Variants in LARP4B observed in about 807,000 individuals in gnomAD.
The protein encoded by LARP4B is la-related protein 4B.
Under a neutral mutation model 89.8 loss-of-function variants are expected in LARP4B, and 12 were observed. That is an observed-to-expected ratio of 0.13 (90% CI 0.09 to 0.22). The LOEUF is 0.22. Ranked by LOEUF, LARP4B falls within the 10% of genes least tolerant of loss-of-function variation. The probability of loss-of-function intolerance (pLI) is 1.00; values close to 1 mark genes in which losing one functional copy is unlikely to be tolerated. For missense variants in LARP4B, 757 were observed against 947.7 expected, an observed-to-expected ratio of 0.80 and a Z score of 2.64; for synonymous variants, 367 against 363.3, an observed-to-expected ratio of 1.01 and a Z score of -0.12.
chr10:817,618 CTT>C lies in LARP4B; in HGVS notation c.1695+105_1695+106del, dbSNP rs147888693. 4.1e-3 allele frequency: 4,638 copies of C among 1,141,950 alleles called. 136 individuals carry two copies. In the African/African-American group the frequency reaches 0.064, roughly 16 times the overall value. The allele number at this position is 1,141,950 out of a possible 1,614,324, so 70.7% of individuals were successfully genotyped here. ...GCAATCACGTGGCCTCCAAGCCTCT[CTT>C]GAGTATTAAAAACAAACATGTATAA... On this transcript the variant is annotated intron_variant, in intron 15 of 17. Coordinates refer to ENST00000316157, the MANE Select transcript of LARP4B (RefSeq NM_015155.3).
chr10:854,743 A>G (rs116703189), intron 5 of LARP4B, among the ~76,000 whole-genome samples: 6,189 of 152,222 alleles, frequency 0.041, 191 homozygotes, highest in African/African-American at 0.072. Context: ...CAGAATGGGA[A>G]ATGAGCACTG....
intron 2 of LARP4B, among the ~76,000 whole-genome samples, chr10:885,189 T>C (rs961598369): frequency 6.6e-6 from 1 of 152,202 alleles, no homozygotes; most frequent in African/African-American, 2.4e-5. Context: ...CCCTGCTCTG[T>C]ACCAGGAGCA....
chr10:873,692 T>A (rs2131889355), intron 3 of LARP4B, among the ~76,000 whole-genome samples: 1 of 151,950 alleles, frequency 6.6e-6, no homozygotes, highest in East Asian at 1.9e-4. Context: ...GACGAAAAAA[T>A]CAAAGGAGAG....
Position 908,836 on chromosome 10 carries a change from C to T in LARP4B, c.-40+22592G>A, listed in dbSNP as rs528963957. Among the ~76,000 whole-genome samples the T allele has an allele frequency of 1.8e-4, 27 of 152,298 alleles. No individual in the cohort carries two copies. In the East Asian group the frequency reaches 4.1e-3, roughly 23 times the overall value. On this transcript the variant is annotated intron_variant, in intron 1 of 17. Coordinates refer to ENST00000316157, the MANE Select transcript of LARP4B (RefSeq NM_015155.3). The stretch of plus-strand genomic sequence containing the variant: ...TTCATCTACAAACAAGAAAAGGAAA[C>T]GTCAAGGAGTGCAGGCTGCAGCACG...
intron 3 of LARP4B, among the ~76,000 whole-genome samples, chr10:873,653 T>C (rs2131889168): frequency 6.6e-6 from 1 of 152,284 alleles, no homozygotes. Context: ...TACGAAATGA[T>C]GTCTGAAATA....
intron 3 of LARP4B, among the ~76,000 whole-genome samples, chr10:865,224 T>C (rs1014640761): frequency 1.3e-5 from 2 of 152,192 alleles, no homozygotes; most frequent in Non-Finnish European, 2.9e-5. Flanking sequence ...GACAACGGAC[T>C]CTCAGATCAC....
chr10:847,836 A>G (rs948134743), intron 5 of LARP4B, among the ~76,000 whole-genome samples: 3 of 152,258 alleles, frequency 2.0e-5, no homozygotes, highest in East Asian at 1.9e-4. Context: ...GCTTGACATG[A>G]GACATTAAAG....
chr10:842,182 A>G (rs536504689), intron 7 of LARP4B, among the ~76,000 whole-genome samples: 43 of 151,900 alleles, frequency 2.8e-4, no homozygotes, highest in Middle Eastern at 3.2e-3. Flanking sequence ...CAAAGAAACA[A>G]CTTCACTCAC....
intron 5 of LARP4B, among the ~76,000 whole-genome samples, chr10:854,252 G>T (rs147880971): frequency 6.6e-6 from 1 of 152,004 alleles, no homozygotes; most frequent in Non-Finnish European, 1.5e-5. Flanking sequence ...AATGTCCTCC[G>T]TGAGGGCTGG....
At chr10:891,697 G>C (rs550691619) in intron 1 of LARP4B, among the ~76,000 whole-genome samples, 1 of 152,248 alleles carries the variant, frequency 6.6e-6, no homozygotes, top group Admixed American at 6.5e-5. Flanking sequence ...GCACAACACA[G>C]TGATCCCGAT....
the LARP4B span, among the ~76,000 whole-genome samples, chr10:958,734 C>T: frequency 2.0e-5 from 3 of 152,238 alleles, no homozygotes; most frequent in East Asian, 5.8e-4. Context: ...CCAAGTCTCA[C>T]CACCCAGTGT....
intron 1 of LARP4B, among the ~76,000 whole-genome samples, chr10:896,448 G>A (rs1351107378): frequency 6.6e-6 from 1 of 152,098 alleles, no homozygotes; most frequent in Non-Finnish European, 1.5e-5. Flanking sequence ...GAGATGAAAT[G>A]CAAAAGCAGA....
At chr10:807,426 C>A (rs746430043), downstream of LARP4B, 1 of 152,324 alleles carries the variant, frequency 6.6e-6, no homozygotes, top group Non-Finnish European at 1.5e-5. Context: ...TCTCTGTGGG[C>A]CCTCACAGGC....
At chr10:908,234 C>T (rs993112874) in intron 1 of LARP4B, among the ~76,000 whole-genome samples, 18 of 152,046 alleles carry the variant, frequency 1.2e-4, no homozygotes, top group Admixed American at 3.9e-4. Context: ...AAAAAGGACT[C>T]GGTTTGGGGA....
chr10:901,926 T>G (rs74737730), intron 1 of LARP4B, among the ~76,000 whole-genome samples: 1 of 152,178 alleles, frequency 6.6e-6, no homozygotes, highest in Non-Finnish European at 1.5e-5. Flanking sequence ...CAAGATCTGA[T>G]TGAAAAAGTA....
intron 1 of LARP4B, among the ~76,000 whole-genome samples, chr10:924,123 G>T (rs543018721): frequency 1.3e-5 from 2 of 152,052 alleles, no homozygotes; most frequent in African/African-American, 4.8e-5. Flanking sequence ...TGCACCCATG[G>T]GTCCCAGCTA....
the LARP4B span, among the ~76,000 whole-genome samples, chr10:939,112 C>T: frequency 1.3e-5 from 2 of 152,190 alleles, no homozygotes; most frequent in Admixed American, 1.3e-4. Context: ...TCCATGACAG[C>T]GTATGGCTCA....
At chr10:985,366 A>C in the LARP4B span, 3 of 152,388 alleles carry the variant, frequency 2.0e-5, no homozygotes, top group East Asian at 5.8e-4. Context: ...TGCCTGTAGA[A>C]TAGGGTTAGT....
the LARP4B span, among the ~76,000 whole-genome samples, chr10:965,566 C>G: frequency 2.0e-5 from 3 of 152,100 alleles, no homozygotes; most frequent in African/African-American, 7.2e-5. Flanking sequence ...TGTATATAAG[C>G]AGAAACAAAC....
Sources: allele counts gnomAD v4.1 joint callset (sites outside exome capture counted in the v4.1 genomes callset), GRCh38; gene constraint gnomAD v4.1.1; transcripts MANE v1.5; gene names NCBI Gene and HGNC (gene_info 2026-07-23, HGNC 2026-07-21).